The following VPS13C variants were observed in gnomAD, a reference collection of about 807,000 sequenced individuals.
VPS13C encodes the protein intermembrane lipid transfer protein VPS13C.
VPS13C carries 358 observed loss-of-function variants against 456.8 expected under a neutral mutation model. The observed-to-expected ratio is 0.78, with a 90% CI of 0.72 to 0.86. VPS13C has a LOEUF of 0.86. Ranked by LOEUF, VPS13C falls within the 40% of genes least tolerant of loss-of-function variation. The probability of loss-of-function intolerance (pLI) is 0.00; values close to 1 mark genes in which losing one functional copy is unlikely to be tolerated. For missense variants in VPS13C, 4,818 were observed against 4,385.4 expected (o/e 1.10, Z -2.79); for synonymous variants, 1,578 against 1,486.7 (o/e 1.06, Z -1.41).
At chr15:61,934,907 C>T (rs1186045301) in intron 48 of VPS13C, among the ~76,000 whole-genome samples, 1 of 152,052 alleles carries the variant, frequency 6.6e-6, no homozygotes, top group African/African-American at 2.4e-5. Flanking sequence ...CCCGCCACCA[C>T]TCCCGGCTAA....
chr15:61,866,614 T>C, intron 81 of VPS13C: 1 of 985,166 alleles, frequency 1.0e-6, no homozygotes, highest in Non-Finnish European at 1.2e-6. Flanking sequence ...CTGCATGTGG[T>C]GACATTTTTG....
chr15:61,862,611 T>G (rs899742302), intron 82 of VPS13C, among the ~76,000 whole-genome samples: 1 of 152,180 alleles, frequency 6.6e-6, no homozygotes, highest in African/African-American at 2.4e-5. Flanking sequence ...AAATAAGTGA[T>G]TACTTGTCAA....
chr15:61,979,430 AT>A (rs1156395671), intron 22 of VPS13C, among the ~76,000 whole-genome samples: 1 of 152,254 alleles, frequency 6.6e-6, no homozygotes, highest in Non-Finnish European at 1.5e-5. Context: ...TTCTGCTAAA[AT>A]TGAGGCAAAA....
At position 61,964,886 on chromosome 15, in the gene VPS13C, T is replaced by C. The variant is rs887084498; in HGVS notation, c.3052-25A>G. ...CCTAAAAATGTTTTAAAGAGAAAAT[T>C]AGTTTTCCACAGCCAATTATAACCT... On this transcript the variant is annotated intron_variant, in intron 30 of 84. Transcript: ENST00000644861. 5 of 1,588,896 alleles carry C rather than the reference T, an allele frequency of 3.1e-6. No homozygotes were observed. The Admixed American group carries it at 7.4e-5, about 23-fold the overall frequency.
intron 38 of VPS13C, among the ~76,000 whole-genome samples, chr15:61,952,438 C>T (rs1265338103): frequency 6.6e-6 from 1 of 152,004 alleles, no homozygotes; most frequent in African/African-American, 2.4e-5. Flanking sequence ...AATCATTGTC[C>T]TAAGGGAGGA....
intron 9 of VPS13C, among the ~76,000 whole-genome samples, chr15:62,014,862 T>C (rs1370162237): frequency 6.6e-6 from 1 of 152,094 alleles, no homozygotes; most frequent in Non-Finnish European, 1.5e-5. Context: ...TGGTAAATTC[T>C]AAGAAGGAAG....
At chr15:62,055,971 T>C (rs1338088803) in intron 1 of VPS13C, among the ~76,000 whole-genome samples, 1 of 152,168 alleles carries the variant, frequency 6.6e-6, no homozygotes, top group Non-Finnish European at 1.5e-5. Flanking sequence ...TACATGCCAA[T>C]AGCACACCTC....
chr15:61,981,510 T>C, intron 21 of VPS13C, 32 bp from the exon 22 acceptor site: 2 of 1,545,006 alleles, frequency 1.3e-6, no homozygotes, highest in Non-Finnish European at 8.7e-7. Context: ...ACAGATTAGA[T>C]GGTCAAGTTG....
At chr15:61,976,266 T>C (rs1279172633) in intron 24 of VPS13C, among the ~76,000 whole-genome samples, 1 of 152,024 alleles carries the variant, frequency 6.6e-6, no homozygotes, top group African/African-American at 2.4e-5. Flanking sequence ...GAACGACTGA[T>C]ACATACAACA....
rs1246071964 is a variant in VPS13C, at chr15:61,962,896, T to A, written c.3332-44A>T. The A allele has an allele frequency of 2.2e-6, 3 of 1,336,152 alleles. No homozygotes were observed. In the South Asian group the frequency reaches 4.5e-5, roughly 20 times the overall value. The allele number at this position is 1,336,152 out of a possible 1,614,324, so 82.8% of individuals were successfully genotyped here. A position where few individuals can be genotyped will look rare whatever the true frequency, so the allele number is the denominator to read the frequency against. On this transcript the variant is annotated intron_variant, in intron 32 of 84. Coordinates refer to ENST00000644861, the MANE Select transcript of VPS13C (RefSeq NM_020821.3). ...TATTATAATTTCTACAGACCTACCA[T>A]AAATAAGATCTTTCTTTCCATTACA...
At chr15:62,010,864 T>C (rs950243812) in intron 12 of VPS13C, among the ~76,000 whole-genome samples, 2 of 152,138 alleles carry the variant, frequency 1.3e-5, no homozygotes, top group African/African-American at 4.8e-5. Context: ...AGACAGACAA[T>C]CTACTCTTGG....
chr15:61,913,393 C>T lies in VPS13C; in HGVS notation c.8468G>A (p.Ser2823Asn), dbSNP rs2043360953. The T allele has an allele frequency of 1.9e-6, 3 of 1,613,910 alleles. No homozygotes were observed. In the African/African-American group the frequency reaches 4.0e-5, roughly 22 times the overall value. ...CAATGAGAAACTACTGGACCAGGCA[C>T]TGGTTGAAATTTTTAATTGTACCTA... Reference protein sequence around the residue: ...KNKVQLKISTSAWSSSFSLDT... With the variant: ...KNKVQLKISTNAWSSSFSLDT... Residue 2823 changes from serine (S) to asparagine (N), a missense_variant, in exon 62 of 85, where the codon AGT becomes AAT. Around this residue, in one of 3 missense-constraint regions of VPS13C, gnomAD observed 4,552 missense variants for 4,130.6 expected, o/e 1.10. Coordinates refer to ENST00000644861, the MANE Select transcript of VPS13C (RefSeq NM_020821.3).
At chr15:62,021,058 G>A (rs1385260187) in intron 8 of VPS13C, among the ~76,000 whole-genome samples, 1 of 151,788 alleles carries the variant, frequency 6.6e-6, no homozygotes, top group Non-Finnish European at 1.5e-5. Flanking sequence ...AAAACAAACT[G>A]CACGTTCTCA....
At chr15:61,998,341 G>A (rs1487745464) in intron 16 of VPS13C, among the ~76,000 whole-genome samples, 2 of 151,864 alleles carry the variant, frequency 1.3e-5, no homozygotes, top group Non-Finnish European at 2.9e-5. Flanking sequence ...TATTCTTATT[G>A]AAGTACTTAT....
chr15:61,886,779 TAAC>T (rs1445898408), intron 67 of VPS13C, among the ~76,000 whole-genome samples: 4 of 152,214 alleles, frequency 2.6e-5, no homozygotes, highest in Non-Finnish European at 5.9e-5. Flanking sequence ...ATGATAGTGT[TAAC>T]AATGTCCTAA....
Position 62,012,221 on chromosome 15 carries a change from G to GAC in VPS13C, c.826-59_826-58dup, listed in dbSNP as rs67220908. 0.029 allele frequency: 14,703 copies of GAC among 509,926 alleles called. 190 individuals carry two copies. The highest frequency in any genetic ancestry group is 0.078 in the African/African-American group (3,716 of 47,394). 31.6% of individuals were successfully genotyped at this position (509,926 alleles called of 1,614,324 possible). A position where few individuals can be genotyped will look rare whatever the true frequency, so the allele number is the denominator to read the frequency against. On this transcript the variant is annotated intron_variant, in intron 11 of 84. Coordinates refer to ENST00000644861, the MANE Select transcript of VPS13C (RefSeq NM_020821.3). ...GAAAATGCACACATATTCAGACTCAGACACACACACACACACACACACACA... is the reference window on the plus strand; with the variant it reads ...GAAAATGCACACATATTCAGACTCAGACACACACACACACACACACACACACA...
intron 21 of VPS13C, 121 bp downstream of exon 21, chr15:61,982,338 T>C: frequency 2.9e-6 from 2 of 698,858 alleles, no homozygotes. Flanking sequence ...TATACTGTAA[T>C]ACAGCCTGAG....
chr15:61,866,760 G>C, intron 81 of VPS13C: 2 of 984,632 alleles, frequency 2.0e-6, no homozygotes, highest in Non-Finnish European at 2.4e-6. Flanking sequence ...TTGGATGTCA[G>C]TCTTTCTTCT....
At chr15:61,905,838 G>A (rs2043138925) in intron 66 of VPS13C, among the ~76,000 whole-genome samples, 1 of 152,048 alleles carries the variant, frequency 6.6e-6, no homozygotes, top group African/African-American at 2.4e-5. Flanking sequence ...TATATAGTAT[G>A]CACAGAATAC....
Sources: allele counts gnomAD v4.1 joint callset (sites outside exome capture counted in the v4.1 genomes callset), GRCh38; gene constraint gnomAD v4.1.1; regional missense constraint gnomAD v4.1.1; transcripts MANE v1.5; gene names NCBI Gene and HGNC (gene_info 2026-07-23, HGNC 2026-07-21).